The following PRKAR2A variants were observed in gnomAD, a reference collection of about 807,000 sequenced individuals.
PRKAR2A encodes the protein cAMP-dependent protein kinase type II-alpha regulatory subunit.
PRKAR2A carries 29 observed loss-of-function variants against 51.9 expected under a neutral mutation model. The ratio of observed to expected loss-of-function variants is 0.56; its 90% CI spans 0.42 to 0.76. The LOEUF (loss-of-function observed/expected upper bound fraction) is 0.76. Ranked by LOEUF, PRKAR2A falls within the 30% of genes least tolerant of loss-of-function variation. PRKAR2A has a pLI of 0.00. For synonymous variants in PRKAR2A, 178 were observed against 186.2 expected (o/e 0.96, Z 0.36); for missense variants, 445 against 512.1 (o/e 0.87, Z 1.26).
intron 1 of PRKAR2A, among the ~76,000 whole-genome samples, chr3:48,842,504 G>T (rs2083396946): frequency 6.6e-6 from 1 of 152,180 alleles, no homozygotes; most frequent in Non-Finnish European, 1.5e-5. Context: ...GTTTCAAAGG[G>T]AATGCTTCCA....
At chr3:48,768,374 C>G (rs1038152014) in intron 6 of PRKAR2A, among the ~76,000 whole-genome samples, 13 of 151,588 alleles carry the variant, frequency 8.6e-5, no homozygotes, top group Admixed American at 1.3e-4. Flanking sequence ...CAGACAGACA[C>G]ACACACACAC....
chr3:48,801,757 A>G (rs1177047615), intron 2 of PRKAR2A, among the ~76,000 whole-genome samples: 1 of 151,082 alleles, frequency 6.6e-6, no homozygotes, highest in East Asian at 2.0e-4. Flanking sequence ...TTTGTTTGAG[A>G]CGGAGTTTAA....
At chr3:48,819,036 C>T (rs1439231062) in intron 1 of PRKAR2A, among the ~76,000 whole-genome samples, 2 of 151,576 alleles carry the variant, frequency 1.3e-5, no homozygotes, top group East Asian at 1.9e-4. Flanking sequence ...GAGTTTCGCT[C>T]TTGTTGCCCA....
At chr3:48,843,500 G>A (rs1383870573) in intron 1 of PRKAR2A, among the ~76,000 whole-genome samples, 1 of 151,924 alleles carries the variant, frequency 6.6e-6, no homozygotes, top group African/African-American at 2.4e-5. Flanking sequence ...AAGTTCATAT[G>A]GAACCAAAAA....
downstream of PRKAR2A, among the ~76,000 whole-genome samples, chr3:48,745,276 C>T (rs1273310976): frequency 3.3e-5 from 5 of 150,674 alleles, no homozygotes; most frequent in East Asian, 5.9e-4. Flanking sequence ...CTTCAATGAT[C>T]CTCCTGCCTT....
At chr3:48,800,333 C>T (rs1025202368) in intron 2 of PRKAR2A, among the ~76,000 whole-genome samples, 2 of 150,764 alleles carry the variant, frequency 1.3e-5, no homozygotes, top group Non-Finnish European at 3.0e-5. Context: ...GCCAATACGG[C>T]GAAACCCTGT....
Position 48,748,869 on chromosome 3 carries a change from C to G in PRKAR2A, c.*2716G>C, listed in dbSNP as rs888884219. ...GGTCACCACATGGGCTTTCCCAGTG[C>G]TAGCTGCCTGTTTTGGAAAGCTGCA... On this transcript the variant is annotated 3_prime_UTR_variant, in exon 11 of 11. Transcript: ENST00000265563. The G allele has an allele frequency of 6.6e-6, 1 of 152,224 alleles. No individual in the cohort carries two copies. The allele number at this position is 152,224 out of a possible 1,614,324, so 9.4% of individuals were successfully genotyped here. A position where few individuals can be genotyped will look rare whatever the true frequency, so the allele number is the denominator to read the frequency against.
downstream of PRKAR2A, among the ~76,000 whole-genome samples, chr3:48,746,160 T>A (rs1386656331): frequency 2.6e-5 from 4 of 151,932 alleles, no homozygotes; most frequent in Admixed American, 6.6e-5. Context: ...GCTAGCCAAT[T>A]CACCCTGCAG....
chr3:48,773,100 T>C lies in PRKAR2A; in HGVS notation c.551A>G (p.Tyr184Cys). 1 of 1,606,740 alleles carries C rather than the reference T, an allele frequency of 6.2e-7. No individual in the cohort carries two copies. Among genetic ancestry groups the C allele is most frequent in the Non-Finnish European group, 8.5e-7 (1 of 1,175,336 alleles). Residue 184 changes from tyrosine to cysteine, a missense_variant, in exon 6 of 11, where the codon TAT (tyrosine) becomes TGT (cysteine). Tyr to Cys is a radical substitution (Grantham distance 194). Transcript: ENST00000265563. ...DNFYVIERGT[Y>C]DILVTKDNQT... ...ATTATCTTTTGTTACTAAAATGTCA[T>C]AAGTTCCCCTAGAAGAATGACAAAG...
At chr3:48,840,911 C>T (rs1330154746) in intron 1 of PRKAR2A, among the ~76,000 whole-genome samples, 2 of 100,594 alleles carry the variant, frequency 2.0e-5, no homozygotes, top group Admixed American at 1.4e-4. Flanking sequence ...GAGACAGTTT[C>T]GCTCTTGTTG....
chr3:48,790,064 T>C (rs1430498836), intron 4 of PRKAR2A, among the ~76,000 whole-genome samples: 1 of 152,194 alleles, frequency 6.6e-6, no homozygotes, highest in East Asian at 1.9e-4. Flanking sequence ...GGGGCCATTA[T>C]TAAGTAAAAT....
chr3:48,834,188 A>G (rs2083242614), intron 1 of PRKAR2A, among the ~76,000 whole-genome samples: 1 of 152,092 alleles, frequency 6.6e-6, no homozygotes, highest in Non-Finnish European at 1.5e-5. Context: ...GGCCACATAC[A>G]TTTTTAGCTA....
intron 8 of PRKAR2A, among the ~76,000 whole-genome samples, chr3:48,758,693 G>A (rs557858431): frequency 6.6e-6 from 1 of 152,078 alleles, no homozygotes; most frequent in Non-Finnish European, 1.5e-5. Context: ...GAACAGGGGA[G>A]CTCATATAGA....
chr3:48,829,863 ATATATATAT>A (rs1178542585), intron 1 of PRKAR2A, among the ~76,000 whole-genome samples: 3 of 82,468 alleles, frequency 3.6e-5, no homozygotes, highest in Admixed American at 1.5e-4. Context: ...ATATATATAT[ATATATATAT>A]TTTTTTTTTT....
intron 4 of PRKAR2A, among the ~76,000 whole-genome samples, chr3:48,783,637 G>A (rs1338568257): frequency 6.6e-6 from 1 of 152,160 alleles, no homozygotes; most frequent in Non-Finnish European, 1.5e-5. Context: ...CTGGAGTGCA[G>A]TGGTGTGATC....
At chr3:48,797,234 T>C (rs1002288343) in intron 2 of PRKAR2A, among the ~76,000 whole-genome samples, 2 of 152,070 alleles carry the variant, frequency 1.3e-5, no homozygotes, top group African/African-American at 2.4e-5. Context: ...GTTGACATGA[T>C]CTCAGCTCAC....
At chr3:48,823,052 A>T (rs2082994919) in intron 1 of PRKAR2A, among the ~76,000 whole-genome samples, 1 of 152,138 alleles carries the variant, frequency 6.6e-6, no homozygotes, top group Non-Finnish European at 1.5e-5. Context: ...AGAATCACAC[A>T]AAGGACTATT....
chr3:48,836,418 C>A (rs2083284112), intron 1 of PRKAR2A, among the ~76,000 whole-genome samples: 3 of 6,052 alleles, frequency 5.0e-4, no homozygotes, highest in African/African-American at 9.3e-4. Context: ...GAGACTCCGT[C>A]TAAAAAAAAA....
chr3:48,768,315 A>AGATG (rs2081971534), intron 6 of PRKAR2A, among the ~76,000 whole-genome samples: 1 of 150,798 alleles, frequency 6.6e-6, no homozygotes, highest in South Asian at 2.1e-4. Context: ...ATAGATAGAT[A>AGATG]GATAGATAGA....
Sources: allele counts gnomAD v4.1 joint callset (sites outside exome capture counted in the v4.1 genomes callset), GRCh38; gene constraint gnomAD v4.1.1; transcripts MANE v1.5; gene names NCBI Gene and HGNC (gene_info 2026-07-23, HGNC 2026-07-21).